The following CUBN variants were observed in gnomAD, a reference collection of about 807,000 sequenced individuals.
The protein encoded by CUBN is 460 kDa receptor.
CUBN carries 282 observed loss-of-function variants against 405.3 expected under a neutral mutation model. The ratio of observed to expected loss-of-function variants is 0.70; its 90% CI spans 0.63 to 0.77. The LOEUF is 0.77. Among genes scored for constraint, CUBN ranks in the 30% least tolerant of loss-of-function variants. CUBN has a pLI of 0.00. For synonymous variants in CUBN, 1,684 were observed against 1,617.0 expected, an observed-to-expected ratio of 1.04 and a Z score of -0.99; for missense variants, 4,514 against 4,475.2, an observed-to-expected ratio of 1.01 and a Z score of -0.25.
intron 66 of CUBN, among the ~76,000 whole-genome samples, chr10:16,825,598 G>T (rs1157195673): frequency 4.7e-5 from 7 of 148,902 alleles, no homozygotes; most frequent in African/African-American, 1.8e-4. Flanking sequence ...TTTTCCTCTT[G>T]AGATTTATTT....
chr10:17,017,090 T>C (rs1404945247), intron 28 of CUBN, among the ~76,000 whole-genome samples: 15 of 152,120 alleles, frequency 9.9e-5, no homozygotes, highest in Admixed American at 9.8e-4. Flanking sequence ...TAGGACACAT[T>C]TCAAGGGTGA....
intron 28 of CUBN, among the ~76,000 whole-genome samples, chr10:17,011,604 G>A (rs1222239195): frequency 6.6e-6 from 1 of 152,170 alleles, no homozygotes; most frequent in Non-Finnish European, 1.5e-5. Flanking sequence ...CGAGCAGGTT[G>A]CCGCTGCTAG....
At chr10:16,925,854 G>T in intron 41 of CUBN, 80 bp from the exon 42 acceptor site, 1 of 1,296,790 alleles carries the variant, frequency 7.7e-7, no homozygotes, top group East Asian at 2.4e-5. Context: ...TTTCTTGGGG[G>T]GTTTTCAAAG....
chr10:17,005,075 C>T (rs1833981092), intron 28 of CUBN, among the ~76,000 whole-genome samples: 1 of 152,280 alleles, frequency 6.6e-6, no homozygotes, highest in African/African-American at 2.4e-5. Context: ...CTTGCCAGAA[C>T]TCTTATTCTA....
intron 48 of CUBN, among the ~76,000 whole-genome samples, chr10:16,911,634 T>C (rs960355920): frequency 3.3e-5 from 5 of 152,218 alleles, no homozygotes; most frequent in Non-Finnish European, 7.3e-5. Context: ...ACTATGACTG[T>C]TCATATTCTC....
At chr10:17,015,409 A>G (rs991024184) in intron 28 of CUBN, among the ~76,000 whole-genome samples, 1 of 152,188 alleles carries the variant, frequency 6.6e-6, no homozygotes, top group East Asian at 1.9e-4. Flanking sequence ...TGGGACTTTC[A>G]GGCATAACAA....
intron 35 of CUBN, among the ~76,000 whole-genome samples, chr10:16,947,616 T>C (rs576879452): frequency 3.3e-5 from 5 of 152,332 alleles, no homozygotes; most frequent in Admixed American, 2.6e-4. Flanking sequence ...TTTCTTCCTG[T>C]GAACGGTAAC....
intron 28 of CUBN, among the ~76,000 whole-genome samples, chr10:17,011,628 C>G (rs1160201987): frequency 6.6e-6 from 1 of 152,122 alleles, no homozygotes; most frequent in African/African-American, 2.4e-5. Flanking sequence ...GGGTGGCCAG[C>G]TTTTATTCCC....
At position 17,105,521 on chromosome 10, in the gene CUBN, G is replaced by T. The variant is rs1836606222; in HGVS notation, c.1166C>A (p.Pro389Gln). 1 of 1,611,998 alleles carries T rather than the reference G, an allele frequency of 6.2e-7. No individual in the cohort carries two copies. Among genetic ancestry groups the T allele is most frequent in the South Asian group, 1.1e-5 (1 of 91,052 alleles). Reference protein sequence around the residue: ...LPGYTGNGYGPNGCVQLSNIC... With the variant: ...LPGYTGNGYGQNGCVQLSNIC... ...ATTACTGAGCTGCACACATCCATTT[G>T]GCCCATAACCATTTCCAGTATAACC... The change falls in exon 11 of 67, where the codon CCA (proline) becomes CAA (glutamine). Residue 389 changes from proline to glutamine, a missense_variant. This residue lies in a region of CUBN where 1,448 missense variants were observed against 1,388.0 expected (regional missense o/e 1.04). Coordinates refer to ENST00000377833, the MANE Select transcript of CUBN (RefSeq NM_001081.4).
intron 59 of CUBN, among the ~76,000 whole-genome samples, chr10:16,868,804 C>G (rs556935661): frequency 6.6e-6 from 1 of 152,284 alleles, no homozygotes; most frequent in South Asian, 2.1e-4. Flanking sequence ...CAAATTCCTT[C>G]TCAAGCATCA....
rs371468390 is a variant in CUBN, at chr10:16,871,659, T to C, written c.9237-1806A>G. ...CAACACTGTATTCATTTTAATTCTC[T>C]ACAGACAACACATTTATTTTTCACA... On this transcript the variant is annotated intron_variant, in intron 58 of 66. Transcript: ENST00000377833. Among the ~76,000 whole-genome samples, 3 of 152,166 alleles carry C rather than the reference T, an allele frequency of 2.0e-5. No homozygotes were observed. The East Asian group carries it at 5.8e-4, about 29-fold the overall frequency.
intron 17 of CUBN, among the ~76,000 whole-genome samples, chr10:17,076,906 A>C (rs776131988): frequency 2.0e-5 from 3 of 152,192 alleles, no homozygotes; most frequent in Admixed American, 6.5e-5. Context: ...AAAGCCACAG[A>C]CGCTTTTGGT....
intron 43 of CUBN, among the ~76,000 whole-genome samples, chr10:16,921,695 C>A (rs1386837560): frequency 1.3e-5 from 2 of 152,200 alleles, no homozygotes; most frequent in Non-Finnish European, 2.9e-5. Flanking sequence ...CCAGGGCTTC[C>A]CTGACATTGC....
intron 48 of CUBN, among the ~76,000 whole-genome samples, chr10:16,911,270 A>G (rs1422749197): frequency 6.6e-6 from 1 of 152,214 alleles, no homozygotes; most frequent in Non-Finnish European, 1.5e-5. Context: ...TACTTGGCTC[A>G]GTTGTGAATG....
At chr10:16,972,442 A>G (rs1832961898) in intron 31 of CUBN, among the ~76,000 whole-genome samples, 1 of 86,814 alleles carries the variant, frequency 1.2e-5, no homozygotes, top group Admixed American at 1.1e-4. Context: ...CATCATTCAC[A>G]ATTTTTTTTT....
chr10:16,937,027 A>G (rs920521147), intron 39 of CUBN, among the ~76,000 whole-genome samples: 2 of 152,098 alleles, frequency 1.3e-5, no homozygotes, highest in African/African-American at 4.8e-5. Context: ...TCATTTAAAA[A>G]TTTTTCAAGA....
chr10:16,984,984 A>C (rs1231662283), intron 29 of CUBN, among the ~76,000 whole-genome samples: 2 of 152,134 alleles, frequency 1.3e-5, no homozygotes, highest in African/African-American at 4.8e-5. Flanking sequence ...AGTGCATCCC[A>C]CTTTTCTGCT....
chr10:17,105,414 ATTCTCAGGT>A, intron 11 of CUBN, 34 bp downstream of exon 11: 2 of 1,112,030 alleles, frequency 1.8e-6, no homozygotes, highest in Middle Eastern at 3.9e-4. Flanking sequence ...CGTGAAACTA[ATTCTCAGGT>A]ACTCTCTGTC....
At chr10:17,096,409 T>C (rs1836376090) in intron 14 of CUBN, among the ~76,000 whole-genome samples, 1 of 152,098 alleles carries the variant, frequency 6.6e-6, no homozygotes, top group Non-Finnish European at 1.5e-5. Flanking sequence ...CTTAAATATA[T>C]ATAACTTTCA....
Sources: gnomAD v4.1 joint callset for allele counts (sites outside exome capture counted in the v4.1 genomes callset) on GRCh38, gnomAD v4.1.1 for gene constraint, gnomAD v4.1.1 regional missense constraint, MANE v1.5 for transcripts, NCBI Gene and HGNC (gene_info 2026-07-23, HGNC 2026-07-21) for gene names.